Variants in THAP4 observed in about 807,000 individuals in gnomAD.
The protein encoded by THAP4 is peroxynitrite isomerase THAP4.
THAP4 carries 18 observed loss-of-function variants against 48.1 expected under a neutral mutation model. The ratio of observed to expected loss-of-function variants is 0.37; its 90% CI spans 0.26 to 0.56. The LOEUF (loss-of-function observed/expected upper bound fraction) is 0.56, where lower values mean the gene tolerates loss of function less well. THAP4 is among the 20% of genes least tolerant of loss of function. The pLI is 0.78. For missense variants in THAP4, 656 were observed against 774.9 expected, an observed-to-expected ratio of 0.85 and a Z score of 1.82; for synonymous variants, 345 against 324.9, an observed-to-expected ratio of 1.06 and a Z score of -0.66.
At chr2:241,592,624 C>T (rs1175446325) in intron 5 of THAP4, among the ~76,000 whole-genome samples, 1 of 152,218 alleles carries the variant, frequency 6.6e-6, no homozygotes, top group Admixed American at 6.5e-5. Flanking sequence ...CCCATCCCAG[C>T]CTGATCCCCC....
intron 1 of THAP4, 101 bp from the exon 2 acceptor site, chr2:241,634,180 G>T: frequency 1.2e-6 from 1 of 865,196 alleles, no homozygotes; most frequent in South Asian, 1.8e-5. Context: ...CGCACCCTAA[G>T]CCGTATTGAC....
chr2:241,602,953 C>T lies in THAP4; in HGVS notation c.1510+17G>A, dbSNP rs373236618. On this transcript the variant is annotated intron_variant, in intron 4 of 5. Coordinates refer to ENST00000407315, the MANE Select transcript of THAP4 (RefSeq NM_015963.6). ...CCTCCCATGGCCAGCCCTCCCGCCCCGCAAGCTGGGCCTCACCTGTGTTCT... is the reference window on the plus strand; with the variant it reads ...CCTCCCATGGCCAGCCCTCCCGCCCTGCAAGCTGGGCCTCACCTGTGTTCT... 1.4e-4 allele frequency: 232 copies of T among 1,601,860 alleles called. No individual in the cohort carries two copies. Among genetic ancestry groups the T allele is most frequent in the Middle Eastern group, 1.2e-3 (7 of 6,050 alleles).
At chr2:241,585,039 T>A in intron 5 of THAP4, 1 of 307,198 alleles carries the variant, frequency 3.3e-6, no homozygotes, top group South Asian at 3.9e-5. Flanking sequence ...TCGGGCCTGG[T>A]TAGTACTTGG....
chr2:241,584,829 C>A, intron 5 of THAP4, 104 bp from the exon 6 acceptor site: 1 of 1,447,546 alleles, frequency 6.9e-7, no homozygotes, highest in South Asian at 1.2e-5. Context: ...GGGCTGTGAG[C>A]CAGGCAGTGG....
At chr2:241,607,325 G>A (rs998741487) in intron 2 of THAP4, among the ~76,000 whole-genome samples, 3 of 151,974 alleles carry the variant, frequency 2.0e-5, no homozygotes, top group Admixed American at 6.6e-5. Flanking sequence ...GCTCCCGAGC[G>A]GCTTTTCAGG....
intron 2 of THAP4, among the ~76,000 whole-genome samples, chr2:241,624,138 A>T (rs966571411): frequency 1.3e-5 from 2 of 152,220 alleles, no homozygotes. Context: ...GGAGGCTCTC[A>T]GAACCCAGAA....
At position 241,601,923 on chromosome 2, in the gene THAP4, G is replaced by A; in HGVS notation, c.1587C>T (p.Ser529=). The A allele has an allele frequency of 6.2e-7, 1 of 1,613,834 alleles. No homozygotes were observed. The highest frequency in any genetic ancestry group is 8.5e-7 in the Non-Finnish European group (1 of 1,180,024). ...CIASHSIARI[S]FAKEPHVEQI... is the part of the protein sequence containing the mutation. ...GCTCTACGTGGGGCTCCTTGGCGAA[G>A]GAGATCCTGGCGATGGAGTGGGATG... Residue 529 remains serine, a synonymous_variant, in exon 5 of 6, where the codon TCC becomes TCT. Coordinates refer to ENST00000407315, the MANE Select transcript of THAP4 (RefSeq NM_015963.6). This position sits in a 1 kb window ranked among gnomAD's most constrained non-coding sequence, Gnocchi z 4.0.
chr2:241,592,107 G>A (rs7578775), intron 5 of THAP4: 54,278 of 152,080 alleles, frequency 0.36, 10,253 homozygotes, highest in East Asian at 0.6. Context: ...GCTCAAGCTC[G>A]CAGGTCACCG....
At position 241,603,028 on chromosome 2, in the gene THAP4, G is replaced by A; in HGVS notation, c.1452C>T (p.Gly484=). 1 of 1,614,196 alleles carries A rather than the reference G, an allele frequency of 6.2e-7. No homozygotes were observed. The highest frequency in any genetic ancestry group is 8.5e-7 in the Non-Finnish European group (1 of 1,179,996). The change falls in exon 4 of 6, where the codon GGC becomes GGT. Residue 484 remains glycine, a synonymous_variant. Transcript: ENST00000407315. ...TGGTGTCGGGCTTGAGGCGAATGAA[G>A]CCACACTCTCTGTGCATCGGCTTGC... ...DTRKPMHREC[G]FIRLKPDTNK... is the part of the protein sequence containing the mutation.
chr2:241,610,177 A>C lies in THAP4; in HGVS notation c.1241-3704T>G, dbSNP rs2067247670. On this transcript the variant is annotated intron_variant, in intron 2 of 5. Coordinates refer to ENST00000407315, the MANE Select transcript of THAP4 (RefSeq NM_015963.6). This position sits in a 1 kb window ranked among gnomAD's most constrained non-coding sequence, Gnocchi z 4.2. ...GGCCGCGGCGCCGGGCATGGCCTTCACACTCCCCACGAGGCAGGACAGCCC... is the reference window on the plus strand; with the variant it reads ...GGCCGCGGCGCCGGGCATGGCCTTCCCACTCCCCACGAGGCAGGACAGCCC... 6.6e-6 allele frequency among the ~76,000 whole-genome samples: 1 copy of C among 152,098 alleles called. No homozygotes were observed. The highest frequency in any genetic ancestry group is 1.5e-5 in the Non-Finnish European group (1 of 67,972).
chr2:241,584,797 CT>C, intron 5 of THAP4, 72 bp from the exon 6 acceptor site: 1 of 1,572,400 alleles, frequency 6.4e-7, no homozygotes, highest in Non-Finnish European at 8.7e-7. Context: ...TGTGCGCCCA[CT>C]GCATGCCACA....
Position 241,584,639 on chromosome 2 carries a change from A to T in THAP4, c.1701T>A (p.His567Gln), listed in dbSNP as rs2066869822. The change falls in exon 6 of 6, where the codon CAT becomes CAA. Residue 567 changes from histidine (H) to glutamine (Q), a missense_variant. Physicochemically the swap from His to Gln is conservative, Grantham distance 24 (BLOSUM62 0). Coordinates refer to ENST00000407315, the MANE Select transcript of THAP4 (RefSeq NM_015963.6). Reference protein sequence around the residue: ...MATTTQPMTQHLHVTYKKVTP With the variant: ...MATTTQPMTQQLHVTYKKVTP Reference sequence around the variant, plus strand: ...TCACCTTCTTGTAGGTGACGTGAAGATGCTGAGTCATTGGCTGTGTCGTGG... The same window carrying T: ...TCACCTTCTTGTAGGTGACGTGAAGTTGCTGAGTCATTGGCTGTGTCGTGG... 6.2e-7 allele frequency: 1 copy of T among 1,614,176 alleles called. No homozygotes were observed. The highest frequency in any genetic ancestry group is 8.5e-7 in the Non-Finnish European group (1 of 1,180,022).
At chr2:241,591,328 C>T (rs1341735803) in intron 5 of THAP4, among the ~76,000 whole-genome samples, 1 of 152,154 alleles carries the variant, frequency 6.6e-6, no homozygotes, top group Non-Finnish European at 1.5e-5. Context: ...GCCTGTGGAG[C>T]ACGGGGACTT....
chr2:241,628,265 GCAC>G (rs1037647978), intron 2 of THAP4, among the ~76,000 whole-genome samples: 1 of 151,824 alleles, frequency 6.6e-6, no homozygotes, highest in African/African-American at 2.4e-5. Flanking sequence ...CCTGGGCCGG[GCAC>G]TGAAGCCCAG....
intron 5 of THAP4, among the ~76,000 whole-genome samples, chr2:241,595,486 A>C (rs985144419): frequency 6.6e-6 from 1 of 152,022 alleles, no homozygotes; most frequent in Non-Finnish European, 1.5e-5. Context: ...AAAAATATTA[A>C]ATTAGCCCAG....
intron 5 of THAP4, among the ~76,000 whole-genome samples, chr2:241,595,271 T>C (rs1392966294): frequency 3.3e-5 from 5 of 152,112 alleles, no homozygotes; most frequent in Non-Finnish European, 7.4e-5. Context: ...CACCTTGGCC[T>C]CCTACAGAGC....
chr2:241,629,912 C>T (rs1317903874), intron 2 of THAP4, among the ~76,000 whole-genome samples: 1 of 151,904 alleles, frequency 6.6e-6, no homozygotes, highest in Non-Finnish European at 1.5e-5. Context: ...CTGACTAACA[C>T]AAGTAAGCAA....
rs139632525 is a variant in THAP4 at position 241,606,412 on chromosome 2, C to G, written c.1302G>C (p.Ser434=). The G allele has an allele frequency of 3.6e-5, 58 of 1,606,348 alleles. No individual in the cohort carries two copies. The East Asian group carries it at 1.1e-3, about 32-fold the overall frequency. ...GGTAGGTCCCGGCTCCAGGTGGGTC[C>G]GACAGCCAGGTGCCCAGCATCCAGG... is the stretch of plus-strand genomic sequence containing the variant. ...PLSWMLGTWL[S]DPPGAGTYPT... Residue 434 remains serine, a synonymous_variant, in exon 3 of 6, where the codon TCG becomes TCC. Coordinates refer to ENST00000407315, the MANE Select transcript of THAP4 (RefSeq NM_015963.6).
intron 5 of THAP4, among the ~76,000 whole-genome samples, chr2:241,595,273 C>G (rs936740033): frequency 1.3e-5 from 2 of 152,136 alleles, no homozygotes; most frequent in African/African-American, 4.8e-5. Flanking sequence ...CCTTGGCCTC[C>G]TACAGAGCTG....
Sources: allele counts gnomAD v4.1 joint callset (sites outside exome capture counted in the v4.1 genomes callset), GRCh38; gene constraint gnomAD v4.1.1; non-coding constraint Gnocchi (gnomAD v3.1); transcripts MANE v1.5; gene names NCBI Gene and HGNC (gene_info 2026-07-23, HGNC 2026-07-21).